The following SF3A1 variants were observed in gnomAD, a reference collection of about 807,000 sequenced individuals.
The protein encoded by SF3A1 is SAP 114.
A neutral mutation model predicts 89.9 loss-of-function variants in SF3A1; 13 were observed. The observed-to-expected ratio is 0.14, with a 90% CI of 0.09 to 0.23. The LOEUF is 0.23. SF3A1 is among the 10% of genes least tolerant of loss of function. The pLI is 1.00. For synonymous variants in SF3A1, 405 were observed against 374.4 expected (o/e 1.08, Z -0.94); for missense variants, 604 against 1,022.1 (o/e 0.59, Z 5.58).
chr22:30,340,976 T>C (rs1484843339), intron 7 of SF3A1, among the ~76,000 whole-genome samples, 164 bp from the exon 8 acceptor site: 1 of 152,130 alleles, frequency 6.6e-6, no homozygotes, highest in Non-Finnish European at 1.5e-5. Context: ...CAGGCCAAGC[T>C]GCTTCCTCAC....
Position 30,346,478 on chromosome 22 carries a change from A to G in SF3A1, c.227T>C (p.Ile76Thr), listed in dbSNP as rs1931424446. The G allele has an allele frequency of 6.2e-7, 1 of 1,613,840 alleles. No individual in the cohort carries two copies. Among genetic ancestry groups the G allele is most frequent in the Non-Finnish European group, 8.5e-7 (1 of 1,179,986 alleles). The part of the protein sequence containing the change: ...EFEARIRQNE[I>T]NNPKFNFLNP... ...CAGAAAGTTGAACTTGGGGTTGTTG[A>G]TCTCGTTCTGTCGGATCCTAGCTTC... The change falls in exon 3 of 16, where the codon ATC becomes ACC. Residue 76 changes from isoleucine (I) to threonine (T), a missense_variant. Physicochemically the swap from Ile to Thr is moderately conservative, Grantham distance 89. Around this residue, in one of 9 missense-constraint regions of SF3A1, gnomAD observed 162 missense variants for 229.2 expected, o/e 0.71. Coordinates refer to ENST00000215793, the MANE Select transcript of SF3A1 (RefSeq NM_005877.6).
At chr22:30,340,424 C>T in intron 8 of SF3A1, 43 bp from the exon 9 acceptor site, 1 of 1,591,656 alleles carries the variant, frequency 6.3e-7, no homozygotes, top group Non-Finnish European at 8.6e-7. Context: ...TGGTGGGCAG[C>T]CACCTGAGTT....
rs756103887 is a variant in SF3A1, at chr22:30,340,831, G to A, written c.1072-19C>T. On this transcript the variant is annotated intron_variant, in intron 7 of 15. Coordinates refer to ENST00000215793, the MANE Select transcript of SF3A1 (RefSeq NM_005877.6). ...CTGAACCCTGAAAAGCAAAGCAATG[G>A]CAGGACTCAGAGAGGGGCTGAGGCC... The A allele has an allele frequency of 4.2e-6, 6 of 1,425,800 alleles. No individual in the cohort carries two copies. The highest frequency in any genetic ancestry group is 4.9e-6 in the Non-Finnish European group (5 of 1,020,890). 88.3% of individuals were successfully genotyped at this position (1,425,800 alleles called of 1,614,324 possible).
At chr22:30,343,453 T>C (rs749841701) in intron 4 of SF3A1, among the ~76,000 whole-genome samples, 7 of 152,228 alleles carry the variant, frequency 4.6e-5, no homozygotes, top group Non-Finnish European at 8.8e-5. Flanking sequence ...TGACAATGTA[T>C]ACTTACTGAG....
At chr22:30,344,097 T>C (rs981070818) in intron 4 of SF3A1, among the ~76,000 whole-genome samples, 1 of 152,216 alleles carries the variant, frequency 6.6e-6, no homozygotes, top group Non-Finnish European at 1.5e-5. Flanking sequence ...AACTGACTTG[T>C]CCTGATTCTT....
At chr22:30,353,110 C>A in intron 1 of SF3A1, 38 bp from the exon 2 acceptor site, 1 of 1,609,410 alleles carries the variant, frequency 6.2e-7, no homozygotes, top group South Asian at 1.1e-5. Flanking sequence ...TTTAAAGTCC[C>A]TGGTTCAGAG....
Position 30,335,629 on chromosome 22 carries a change from C to G in SF3A1, c.2208+23G>C. On this transcript the variant is annotated intron_variant, in intron 14 of 15. Transcript: ENST00000215793. The stretch of plus-strand genomic sequence containing the variant: ...ATGCTTGGTTCCCATGCACCTGATG[C>G]CAGTTTCTGGCAGTACCCATACCTG... 3 of 1,613,120 alleles carry G rather than the reference C, an allele frequency of 1.9e-6. No individual in the cohort carries two copies. In the South Asian group the frequency reaches 3.3e-5, roughly 18 times the overall value.
chr22:30,351,241 G>C (rs1931584063), intron 2 of SF3A1, among the ~76,000 whole-genome samples: 1 of 151,998 alleles, frequency 6.6e-6, no homozygotes, highest in African/African-American at 2.4e-5. Context: ...AGAGGTTGCA[G>C]TGAGTTGAGA....
At chr22:30,355,410 TGAA>T (rs1212196807) in intron 1 of SF3A1, among the ~76,000 whole-genome samples, 1 of 152,232 alleles carries the variant, frequency 6.6e-6, no homozygotes, top group Admixed American at 6.5e-5. Context: ...CCACTCTGGC[TGAA>T]GAGCCTGCCT....
At position 30,345,145 on chromosome 22, in the gene SF3A1, G is replaced by A; in HGVS notation, c.439C>T (p.Pro147Ser). The change falls in exon 4 of 16, where the codon CCT becomes TCT. Residue 147 changes from proline to serine, a missense_variant. Physicochemically the swap from Pro to Ser is moderately conservative, Grantham distance 74. Around this residue, in one of 9 missense-constraint regions of SF3A1, gnomAD observed 162 missense variants for 229.2 expected, o/e 0.71. Transcript: ENST00000215793. ...IQETIVPKEPPPEFEFIADPP... is the reference protein window; with the variant it reads ...IQETIVPKEPSPEFEFIADPP... ...TCAGCAATGAACTCAAACTCAGGAG[G>A]AGGCTCTTTGGGCACGATGGTCTCT... is the stretch of plus-strand genomic sequence containing the variant. 6.2e-7 allele frequency: 1 copy of A among 1,614,148 alleles called. No individual in the cohort carries two copies. The highest frequency in any genetic ancestry group is 8.5e-7 in the Non-Finnish European group (1 of 1,179,996).
chr22:30,337,655 C>A, intron 12 of SF3A1, 35 bp downstream of exon 12: 1 of 1,038,706 alleles, frequency 9.6e-7, no homozygotes, highest in Non-Finnish European at 1.4e-6. Flanking sequence ...GGTCCCTGAA[C>A]TAATGGCCTG....
At position 30,333,005 on chromosome 22, in the gene SF3A1, G is replaced by C. The variant is rs1418763173; in HGVS notation, c.*1589C>G. 1.3e-5 allele frequency: 2 copies of C among 152,176 alleles called. No individual in the cohort carries two copies. The highest frequency in any genetic ancestry group is 4.8e-5 in the African/African-American group (2 of 41,434). The allele number at this position is 152,176 out of a possible 1,614,324, so 9.4% of individuals were successfully genotyped here. A position where few individuals can be genotyped will look rare whatever the true frequency, so the allele number is the denominator to read the frequency against. On this transcript the variant is annotated 3_prime_UTR_variant, in exon 16 of 16. Coordinates refer to ENST00000215793, the MANE Select transcript of SF3A1 (RefSeq NM_005877.6). ...TGGAATGAGACCCAGGTAGTGCTCA[G>C]GGGATTTCTGGTGTTGGCCATGGAC...
chr22:30,349,425 C>T (rs961446516), intron 2 of SF3A1, among the ~76,000 whole-genome samples: 6 of 152,130 alleles, frequency 3.9e-5, no homozygotes, highest in East Asian at 1.9e-4. Context: ...GGACTACAGG[C>T]GCCCGCCACC....
At chr22:30,354,173 T>C (rs1177708999) in intron 1 of SF3A1, among the ~76,000 whole-genome samples, 1 of 152,170 alleles carries the variant, frequency 6.6e-6, no homozygotes, top group Non-Finnish European at 1.5e-5. Context: ...AAGTCTCTTA[T>C]CTTAGAGAAA....
intron 13 of SF3A1, 111 bp from the exon 14 acceptor site, chr22:30,335,864 T>A: frequency 1.1e-6 from 1 of 888,008 alleles, no homozygotes; most frequent in Admixed American, 1.8e-5. Flanking sequence ...TCTGGGCTCC[T>A]GGATTCTGGC....
Position 30,334,325 on chromosome 22 carries a change from TG to T in SF3A1, c.*268del. 3.2e-6 allele frequency: 1 copy of T among 317,138 alleles called. No homozygotes were observed. Among genetic ancestry groups the T allele is most frequent in the Non-Finnish European group, 5.8e-6 (1 of 172,740 alleles). 19.6% of individuals were successfully genotyped at this position (317,138 alleles called of 1,614,324 possible). ...ACATCCCTGGGCTCTCAGTTGCTAA[TG>T]GGCTGCTGAAGAAATGAATGTCCTC... On this transcript the variant is annotated 3_prime_UTR_variant, in exon 16 of 16. Transcript: ENST00000215793.
chr22:30,356,546 G>C (rs1392404272), intron 1 of SF3A1, 184 bp downstream of exon 1: 1 of 440,948 alleles, frequency 2.3e-6, no homozygotes, highest in East Asian at 3.5e-5. Flanking sequence ...GGACCACTTA[G>C]AGAATCCCGT....
At chr22:30,343,557 T>C (rs1931329548) in intron 4 of SF3A1, among the ~76,000 whole-genome samples, 1 of 152,186 alleles carries the variant, frequency 6.6e-6, no homozygotes, top group Non-Finnish European at 1.5e-5. Flanking sequence ...CTTCCACCTC[T>C]ACCCCAAGAA....
chr22:30,342,501 C>A (rs1403004798), intron 5 of SF3A1, 151 bp from the exon 6 acceptor site: 7 of 843,430 alleles, frequency 8.3e-6, no homozygotes, highest in South Asian at 5.3e-5. Context: ...CCTGGTTCCA[C>A]CCAGGTGCAG....
Sources: allele counts gnomAD v4.1 joint callset (sites outside exome capture counted in the v4.1 genomes callset), GRCh38; gene constraint gnomAD v4.1.1; regional missense constraint gnomAD v4.1.1; transcripts MANE v1.5; gene names NCBI Gene and HGNC (gene_info 2026-07-23, HGNC 2026-07-21).